UGT3A1: variants seen among roughly 807,000 people sequenced by gnomAD.
UGT3A1 encodes UDP glycosyltransferase family 3 member A1.
A neutral mutation model predicts 37.6 loss-of-function variants in UGT3A1; 40 were observed. That is an observed-to-expected ratio of 1.06 (90% confidence interval 0.83 to 1.38). The LOEUF (loss-of-function observed/expected upper bound fraction) is 1.38. Ranked by LOEUF, UGT3A1 falls within the 40% of genes most tolerant of loss-of-function variation. The pLI, the probability that UGT3A1 is intolerant of heterozygous loss-of-function variation, is 0.00. For synonymous variants in UGT3A1, 256 were observed against 232.3 expected (o/e 1.10, Z -0.93); for missense variants, 642 against 634.2 (o/e 1.01, Z -0.13).
In UGT3A1 at chr5:35,957,179, A is replaced by C. The variant is rs377474001; in HGVS notation, c.1075+9T>G. 6.5e-5 allele frequency: 104 copies of C among 1,611,698 alleles called. No homozygotes were observed. The South Asian group carries it at 9.2e-4, about 14-fold the overall frequency. ...TGGAAAGAGAAGAGCAGACCTAAGC[A>C]GTCCTTACCCAGGAGGTCACTCTGA... On this transcript the variant is annotated intron_variant, in intron 5 of 6. Transcript: ENST00000274278.
At chr5:35,974,793 C>G (rs1244594023) in intron 2 of UGT3A1, among the ~76,000 whole-genome samples, 2 of 152,322 alleles carry the variant, frequency 1.3e-5, no homozygotes, top group Admixed American at 1.3e-4. Flanking sequence ...CAGCAATACA[C>G]CTTCACTCTC....
chr5:35,974,766 C>CA (rs1323779853), intron 2 of UGT3A1, among the ~76,000 whole-genome samples: 1 of 152,162 alleles, frequency 6.6e-6, no homozygotes, highest in African/African-American at 2.4e-5. Flanking sequence ...AGACAGTTTG[C>CA]TTTTATCTAA....
intron 1 of UGT3A1, among the ~76,000 whole-genome samples, chr5:35,998,970 C>T (rs1204984383): frequency 6.6e-6 from 1 of 152,146 alleles, no homozygotes; most frequent in Non-Finnish European, 1.5e-5. Flanking sequence ...AGCGCGGTGG[C>T]TCACGCCTGT....
intron 5 of UGT3A1, 40 bp downstream of exon 5, chr5:35,957,148 G>A (rs1739384862): frequency 1.3e-6 from 2 of 1,563,948 alleles, no homozygotes; most frequent in Non-Finnish European, 8.8e-7. Context: ...ACCAAAGGCA[G>A]GTCAATGGAA....
chr5:35,960,483 T>A (rs957830557), intron 4 of UGT3A1, among the ~76,000 whole-genome samples: 1 of 152,154 alleles, frequency 6.6e-6, no homozygotes, highest in Non-Finnish European at 1.5e-5. Context: ...GGCCGCAGCC[T>A]CCGCTGCTGC....
intron 2 of UGT3A1, among the ~76,000 whole-genome samples, chr5:35,984,906 C>G (rs1415746732): frequency 1.3e-5 from 2 of 151,946 alleles, no homozygotes; most frequent in Non-Finnish European, 2.9e-5. Flanking sequence ...TTCAAGTCTT[C>G]TTACTTTTAC....
At chr5:35,976,391 C>T (rs1417426306) in intron 2 of UGT3A1, among the ~76,000 whole-genome samples, 3 of 152,192 alleles carry the variant, frequency 2.0e-5, no homozygotes, top group Non-Finnish European at 4.4e-5. Flanking sequence ...AAAACTGCAA[C>T]AACCCAATTT....
chr5:35,968,882 G>A lies in UGT3A1; in HGVS notation c.197-749C>T, dbSNP rs1271289278. Among the ~76,000 whole-genome samples the A allele has an allele frequency of 5.9e-5, 9 of 152,332 alleles. No homozygotes were observed. In the East Asian group the frequency reaches 1.5e-3, roughly 26 times the overall value. Reference sequence around the variant, plus strand: ...ACCTCAATTCAAGTTTCAATCAGAAGTTTCAATAATTTGCATTGTGAGACA... The same window carrying A: ...ACCTCAATTCAAGTTTCAATCAGAAATTTCAATAATTTGCATTGTGAGACA... On this transcript the variant is annotated intron_variant, in intron 2 of 6. Coordinates refer to ENST00000274278, the MANE Select transcript of UGT3A1 (RefSeq NM_152404.4).
intron 2 of UGT3A1, among the ~76,000 whole-genome samples, chr5:35,986,427 G>GCACAT (rs1185559749): frequency 2.6e-5 from 4 of 152,056 alleles, no homozygotes; most frequent in Admixed American, 2.6e-4. Flanking sequence ...CAACCTTAGT[G>GCACAT]CACATCAGTG....
upstream of UGT3A1, among the ~76,000 whole-genome samples, chr5:35,994,049 T>C (rs892025681): frequency 2.6e-5 from 4 of 152,156 alleles, no homozygotes; most frequent in Non-Finnish European, 5.9e-5. Flanking sequence ...AAAAAACTCC[T>C]TTTTTGTGGG....
At chr5:35,957,900 T>C (rs917953354) in intron 4 of UGT3A1, among the ~76,000 whole-genome samples, 54 of 152,320 alleles carry the variant, frequency 3.5e-4, no homozygotes, top group Non-Finnish European at 6.9e-4. Flanking sequence ...TTTATGATGG[T>C]GTTCAAGATA....
At chr5:35,970,417 C>T (rs185378416) in intron 2 of UGT3A1, among the ~76,000 whole-genome samples, 114 of 150,786 alleles carry the variant, frequency 7.6e-4, no homozygotes, top group African/African-American at 2.7e-3. Context: ...CATCAGATCT[C>T]GTAAGACTTA....
intron 1 of UGT3A1, among the ~76,000 whole-genome samples, chr5:35,998,013 G>A (rs1012711054): frequency 6.6e-6 from 1 of 152,132 alleles, no homozygotes; most frequent in Non-Finnish European, 1.5e-5. Context: ...GAGGATTTTG[G>A]GGCCTGGCAG....
intron 5 of UGT3A1, among the ~76,000 whole-genome samples, chr5:35,956,173 C>T (rs1449062113): frequency 6.6e-6 from 1 of 152,226 alleles, no homozygotes; most frequent in East Asian, 1.9e-4. Context: ...TTCACCTCAT[C>T]TCTCCATTTA....
intron 2 of UGT3A1, among the ~76,000 whole-genome samples, chr5:35,978,731 T>A (rs1175784355): frequency 6.6e-6 from 1 of 151,968 alleles, no homozygotes; most frequent in East Asian, 1.9e-4. Context: ...TTCAAAACAA[T>A]CATGCCTTCC....
Position 35,975,922 on chromosome 5 carries a change from C to T in UGT3A1, c.197-7789G>A, listed in dbSNP as rs142306650. Among the ~76,000 whole-genome samples the T allele has an allele frequency of 3.2e-3, 486 of 152,254 alleles. 6 individuals are homozygous for T. Among genetic ancestry groups the T allele is most frequent in the African/African-American group, 0.011 (455 of 41,550 alleles). ...GCCTGGGGCAGTGTTCTCCAGGAGACTATATATGTGCTTAATCACATCTAA... is the reference window on the plus strand; with the variant it reads ...GCCTGGGGCAGTGTTCTCCAGGAGATTATATATGTGCTTAATCACATCTAA... On this transcript the variant is annotated intron_variant, in intron 2 of 6. Coordinates refer to ENST00000274278, the MANE Select transcript of UGT3A1 (RefSeq NM_152404.4).
upstream of UGT3A1, among the ~76,000 whole-genome samples, chr5:35,995,595 G>C (rs1056072587): frequency 6.6e-6 from 1 of 152,128 alleles, no homozygotes; most frequent in Non-Finnish European, 1.5e-5. Flanking sequence ...CTAAGGAATG[G>C]CTGGAAAAAG....
chr5:35,981,071 C>T (rs1740503223), intron 2 of UGT3A1, among the ~76,000 whole-genome samples: 1 of 152,136 alleles, frequency 6.6e-6, no homozygotes, highest in South Asian at 2.1e-4. Context: ...ATGAAGATCA[C>T]TGATGTAACT....
intron 4 of UGT3A1, among the ~76,000 whole-genome samples, chr5:35,958,096 T>C (rs1739429927): frequency 6.6e-6 from 1 of 152,196 alleles, no homozygotes; most frequent in African/African-American, 2.4e-5. Flanking sequence ...TTGTTGATGA[T>C]ATTTCATATA....
Sources: gnomAD v4.1 joint callset for allele counts (sites outside exome capture counted in the v4.1 genomes callset) on GRCh38, gnomAD v4.1.1 for gene constraint, MANE v1.5 for transcripts, NCBI Gene and HGNC (gene_info 2026-07-23, HGNC 2026-07-21) for gene names.